SYT17: variants seen among roughly 807,000 people sequenced by gnomAD.
SYT17 encodes synaptotagmin-17.
In SYT17, 22 loss-of-function variants were observed where a neutral mutation model predicts 46.7. The ratio of observed to expected loss-of-function variants is 0.47; its 90% CI spans 0.34 to 0.67. The LOEUF (loss-of-function observed/expected upper bound fraction) is 0.67. Ranked by LOEUF, SYT17 falls within the 30% of genes least tolerant of loss-of-function variation. The probability of loss-of-function intolerance (pLI) is 0.01; values close to 1 mark genes in which losing one functional copy is unlikely to be tolerated. For missense variants in SYT17, 519 were observed against 612.8 expected (o/e 0.85, Z 1.62); for synonymous variants, 251 against 248.4 (o/e 1.01, Z -0.10).
chr16:19,264,023 A>T (rs2352796), intron 7 of SYT17, among the ~76,000 whole-genome samples: 2,663 of 152,060 alleles, frequency 0.018, 69 homozygotes, highest in African/African-American at 0.058. Context: ...AGCCCTCATA[A>T]TTGGGATTAG....
At chr16:19,206,424 A>T (rs902795262) in intron 5 of SYT17, among the ~76,000 whole-genome samples, 3 of 152,164 alleles carry the variant, frequency 2.0e-5, no homozygotes, top group African/African-American at 7.2e-5. Context: ...CACTCAGTGT[A>T]TGTGGGAGAG....
intron 3 of SYT17, among the ~76,000 whole-genome samples, chr16:19,175,608 G>A (rs968987141): frequency 1.5e-5 from 2 of 131,698 alleles, no homozygotes; most frequent in East Asian, 2.1e-4. Flanking sequence ...CTATAATCAC[G>A]CCACTGCAGT....
chr16:19,196,321 C>T (rs977031129), intron 5 of SYT17, among the ~76,000 whole-genome samples: 1 of 151,568 alleles, frequency 6.6e-6, no homozygotes, highest in African/African-American at 2.4e-5. Context: ...CGGCTCACTG[C>T]AACCTCCGCC....
At chr16:19,220,679 A>G (rs1423145357) in intron 5 of SYT17, among the ~76,000 whole-genome samples, 2 of 151,900 alleles carry the variant, frequency 1.3e-5, no homozygotes, top group Non-Finnish European at 2.9e-5. Context: ...CAGTAATGGG[A>G]TTTTTCAGTC....
At chr16:19,191,068 A>T (rs566530822) in intron 5 of SYT17, among the ~76,000 whole-genome samples, 3 of 152,034 alleles carry the variant, frequency 2.0e-5, no homozygotes, top group Non-Finnish European at 4.4e-5. Flanking sequence ...CCCCGTGGCC[A>T]TGCGGGAACC....
intron 7 of SYT17, among the ~76,000 whole-genome samples, chr16:19,238,356 G>A (rs922635534): frequency 2.8e-4 from 42 of 152,232 alleles, no homozygotes; most frequent in African/African-American, 9.2e-4. Context: ...TGATTGTGGT[G>A]TTGAACCTGG....
chr16:19,258,670 A>G (rs1177047975), intron 7 of SYT17, among the ~76,000 whole-genome samples: 4 of 152,056 alleles, frequency 2.6e-5, no homozygotes, highest in Non-Finnish European at 5.9e-5. Flanking sequence ...AATAACAGAA[A>G]CAGGGGAGAT....
chr16:19,266,249 G>A (rs1969343472), intron 7 of SYT17, among the ~76,000 whole-genome samples: 1 of 152,220 alleles, frequency 6.6e-6, no homozygotes, highest in African/African-American at 2.4e-5. Context: ...TTAACCTAGT[G>A]GTTCCCGTTT....
intron 3 of SYT17, among the ~76,000 whole-genome samples, chr16:19,174,593 A>G (rs1422702713): frequency 6.6e-6 from 1 of 152,192 alleles, no homozygotes; most frequent in Non-Finnish European, 1.5e-5. Flanking sequence ...CAAGTATCAA[A>G]TATTTCCATA....
Position 19,223,184 on chromosome 16 carries a change from C to T in SYT17, c.1072+19C>T, listed in dbSNP as rs771076192. 2 of 1,610,390 alleles carry T rather than the reference C, an allele frequency of 1.2e-6. No individual in the cohort carries two copies. Among genetic ancestry groups the T allele is most frequent in the Non-Finnish European group, 1.7e-6 (2 of 1,177,218 alleles). On this transcript the variant is annotated intron_variant, in intron 6 of 7. Transcript: ENST00000355377. ...GGTTCAGGTACCGTGTGATTCCCCTCTTCTCTCACTTTATTAATGGGGCAT... is the reference window on the plus strand; with the variant it reads ...GGTTCAGGTACCGTGTGATTCCCCTTTTCTCTCACTTTATTAATGGGGCAT...
intron 5 of SYT17, among the ~76,000 whole-genome samples, chr16:19,185,146 CTTTCTCCCTCCT>C (rs1453718570): frequency 6.6e-6 from 1 of 152,034 alleles, no homozygotes; most frequent in Non-Finnish European, 1.5e-5. Flanking sequence ...TCTTCCCTCC[CTTTCTCCCTCCT>C]TCCCCTCCTT....
chr16:19,249,275 A>AAAT (rs373060647), intron 7 of SYT17, among the ~76,000 whole-genome samples: 1 of 145,264 alleles, frequency 6.9e-6, no homozygotes, highest in Non-Finnish European at 1.5e-5. Flanking sequence ...CGCCGTCTCA[A>AAAT]AAATAAATAA....
intron 5 of SYT17, among the ~76,000 whole-genome samples, chr16:19,212,026 C>T (rs981167022): frequency 3.9e-5 from 6 of 152,152 alleles, no homozygotes; most frequent in South Asian, 2.1e-4. Flanking sequence ...CAAATCATTT[C>T]GATCCCGTAG....
At chr16:19,251,978 GGC>G (rs1968110534) in intron 7 of SYT17, among the ~76,000 whole-genome samples, 1 of 151,998 alleles carries the variant, frequency 6.6e-6, no homozygotes, top group Non-Finnish European at 1.5e-5. Flanking sequence ...GGGAGGCCGA[GGC>G]AGGCAGATCA....
chr16:19,256,020 C>T (rs1968533808), intron 7 of SYT17, among the ~76,000 whole-genome samples: 1 of 152,124 alleles, frequency 6.6e-6, no homozygotes, highest in Admixed American at 6.6e-5. Flanking sequence ...AGGTCAGTCC[C>T]CAGGACGATG....
At chr16:19,245,957 A>G (rs1218499552) in intron 7 of SYT17, among the ~76,000 whole-genome samples, 3 of 152,066 alleles carry the variant, frequency 2.0e-5, no homozygotes, top group Non-Finnish European at 4.4e-5. Flanking sequence ...ATGCATATGC[A>G]TGTATGCATA....
chr16:19,211,950 A>G (rs1260001589), intron 5 of SYT17, among the ~76,000 whole-genome samples: 6 of 152,258 alleles, frequency 3.9e-5, no homozygotes, highest in Middle Eastern at 3.4e-3. Flanking sequence ...TTTAAAGAAT[A>G]GAAAGAAGGC....
intron 5 of SYT17, among the ~76,000 whole-genome samples, chr16:19,213,322 C>T (rs1336162232): frequency 6.6e-6 from 1 of 152,174 alleles, no homozygotes; most frequent in African/African-American, 2.4e-5. Flanking sequence ...TAAGCTGAAC[C>T]TGGTTGGCTA....
At chr16:19,211,409 G>C (rs1428223811) in intron 5 of SYT17, 1 of 703,722 alleles carries the variant, frequency 1.4e-6, no homozygotes, top group Non-Finnish European at 2.6e-6. Flanking sequence ...TGTGAATATA[G>C]TAGTGGACAC....
Sources: allele counts gnomAD v4.1 joint callset (sites outside exome capture counted in the v4.1 genomes callset), GRCh38; gene constraint gnomAD v4.1.1; transcripts MANE v1.5; gene names NCBI Gene and HGNC (gene_info 2026-07-23, HGNC 2026-07-21).